Variants in TAS2R1 observed in about 807,000 individuals in gnomAD.
TAS2R1 encodes the protein taste receptor type 2 member 1.
For synonymous variants in TAS2R1, 141 were observed against 134.2 expected, an observed-to-expected ratio of 1.05 and a Z score of -0.35; for missense variants, 370 against 353.4, an observed-to-expected ratio of 1.05 and a Z score of -0.38.
chr5:9,714,269 T>A (rs536909534), upstream of TAS2R1: 1 of 152,228 alleles, frequency 6.6e-6, no homozygotes, highest in Non-Finnish European at 1.5e-5. Flanking sequence ...AATATCGCCA[T>A]CATTTCCAGG....
At chr5:9,685,992 A>T (rs1814153) in intron 1 of TAS2R1, among the ~76,000 whole-genome samples, 16,131 of 152,112 alleles carry the variant, frequency 0.11, 999 homozygotes, top group Admixed American at 0.2. Context: ...CAGCCTCCCA[A>T]GTGGCTGGGA....
chr5:9,756,213 G>C, the TAS2R1 span, among the ~76,000 whole-genome samples: 1 of 152,160 alleles, frequency 6.6e-6, no homozygotes, highest in Non-Finnish European at 1.5e-5. Context: ...TAAGAGTAAA[G>C]CCTAAATTGC....
rs112033783 is a variant in TAS2R1 at position 9,679,342 on chromosome 5, G to C, written c.-241-19761C>G. ...TTTATAGCGCAAAGAACGAACCTTA[G>C]TGAATATGAATTTAAAAGATCATTT... On this transcript the variant is annotated intron_variant, in intron 1 of 2. Transcript: ENST00000506620. Among the ~76,000 whole-genome samples the C allele has an allele frequency of 5.2e-3, 799 of 152,264 alleles. 2 individuals carry two copies. The highest frequency in any genetic ancestry group is 8.1e-3 in the Non-Finnish European group (548 of 68,024).
At chr5:9,791,453 C>T in the TAS2R1 span, among the ~76,000 whole-genome samples, 1 of 152,194 alleles carries the variant, frequency 6.6e-6, no homozygotes, top group Non-Finnish European at 1.5e-5. Flanking sequence ...GGTCCCGGCA[C>T]TTTGGGAGGC....
At chr5:9,845,266 G>A in the TAS2R1 span, among the ~76,000 whole-genome samples, 2 of 152,294 alleles carry the variant, frequency 1.3e-5, no homozygotes, top group East Asian at 1.9e-4. Flanking sequence ...GAAGGTGGCT[G>A]TCAGCAAGCT....
intron 2 of TAS2R1, among the ~76,000 whole-genome samples, chr5:9,655,225 G>A (rs940161957): frequency 6.6e-6 from 1 of 152,120 alleles, no homozygotes; most frequent in Non-Finnish European, 1.5e-5. Flanking sequence ...CATTTTGATT[G>A]TAATCATGGT....
the TAS2R1 span, among the ~76,000 whole-genome samples, chr5:9,718,875 TA>T: frequency 2.8e-3 from 407 of 147,276 alleles, 3 homozygotes; most frequent in East Asian, 8.3e-3. Context: ...GCTACTGTAT[TA>T]AAAAAAAAAA....
chr5:9,795,850 G>A, the TAS2R1 span, among the ~76,000 whole-genome samples: 1 of 152,144 alleles, frequency 6.6e-6, no homozygotes, highest in South Asian at 2.1e-4. Context: ...TTTGGGGTAA[G>A]TGTAATTGAA....
intron 1 of TAS2R1, among the ~76,000 whole-genome samples, chr5:9,707,672 G>A (rs868277808): frequency 3.6e-4 from 54 of 152,036 alleles, no homozygotes; most frequent in Middle Eastern, 3.4e-3. Flanking sequence ...GACAGAGTGA[G>A]ACTCTGTCTC....
At chr5:9,800,760 T>G in the TAS2R1 span, among the ~76,000 whole-genome samples, 1 of 152,210 alleles carries the variant, frequency 6.6e-6, no homozygotes, top group Non-Finnish European at 1.5e-5. Flanking sequence ...GTGGACTAAA[T>G]GTTTGCATTC....
the TAS2R1 span, among the ~76,000 whole-genome samples, chr5:9,764,769 C>A: frequency 6.6e-6 from 1 of 152,150 alleles, no homozygotes; most frequent in African/African-American, 2.4e-5. Flanking sequence ...AATTTCAGTT[C>A]TAGAAGCCAT....
intron 2 of TAS2R1, among the ~76,000 whole-genome samples, chr5:9,651,362 G>A (rs1432736292): frequency 1.3e-5 from 2 of 152,062 alleles, no homozygotes; most frequent in East Asian, 1.9e-4. Context: ...AGGGAGTTGC[G>A]GGCTTGGGTT....
intron 2 of TAS2R1, among the ~76,000 whole-genome samples, chr5:9,636,784 T>C (rs1473006155): frequency 6.6e-6 from 1 of 152,124 alleles, no homozygotes; most frequent in African/African-American, 2.4e-5. Context: ...ATGGGATATC[T>C]TTTTCCACCC....
At chr5:9,640,481 C>T (rs1006824833) in intron 2 of TAS2R1, among the ~76,000 whole-genome samples, 4 of 112,314 alleles carry the variant, frequency 3.6e-5, no homozygotes, top group Non-Finnish European at 6.9e-5. Context: ...AGAATTGCCA[C>T]AAACCTTCAA....
chr5:9,800,833 T>C, the TAS2R1 span, among the ~76,000 whole-genome samples: 1 of 152,182 alleles, frequency 6.6e-6, no homozygotes, highest in Non-Finnish European at 1.5e-5. Context: ...ATGGGGTCTT[T>C]GGGAGATAAT....
the TAS2R1 span, among the ~76,000 whole-genome samples, chr5:9,818,869 A>G: frequency 6.6e-6 from 1 of 152,184 alleles, no homozygotes; most frequent in Admixed American, 6.5e-5. Context: ...CACAGCCCCA[A>G]CAACATAGAC....
the TAS2R1 span, among the ~76,000 whole-genome samples, chr5:9,784,217 C>T: frequency 6.6e-6 from 1 of 152,174 alleles, no homozygotes; most frequent in Non-Finnish European, 1.5e-5. Flanking sequence ...AGGAGTCTTT[C>T]TTCTGTCTCT....
intron 1 of TAS2R1, among the ~76,000 whole-genome samples, chr5:9,710,358 T>C (rs1396825947): frequency 2.6e-5 from 4 of 152,234 alleles, no homozygotes; most frequent in Non-Finnish European, 2.9e-5. Flanking sequence ...TCCAATTCAT[T>C]GAGTGCCCTC....
At chr5:9,890,500 C>T in the TAS2R1 span, among the ~76,000 whole-genome samples, 1 of 152,188 alleles carries the variant, frequency 6.6e-6, no homozygotes, top group African/African-American at 2.4e-5. Flanking sequence ...CTTTCCAACC[C>T]CATTATATAT....
Sources: allele counts gnomAD v4.1 joint callset (sites outside exome capture counted in the v4.1 genomes callset), GRCh38; gene constraint gnomAD v4.1.1; transcripts MANE v1.5; gene names NCBI Gene and HGNC (gene_info 2026-07-23, HGNC 2026-07-21).